The following DUSP19 variants were observed in gnomAD, a reference collection of about 807,000 sequenced individuals.
DUSP19 encodes the protein dual specificity protein phosphatase 19.
DUSP19 carries 14 observed loss-of-function variants against 16.6 expected under a neutral mutation model. That is an observed-to-expected ratio of 0.84 (90% CI 0.56 to 1.32). DUSP19 has a LOEUF of 1.32. Among genes scored for constraint, DUSP19 ranks in the 40% most tolerant of loss-of-function variants. The pLI is 0.00. For synonymous variants in DUSP19, 81 were observed against 90.5 expected, an observed-to-expected ratio of 0.90 and a Z score of 0.59; for missense variants, 258 against 255.9, an observed-to-expected ratio of 1.01 and a Z score of -0.06.
chr2:183,082,202 C>G (rs1699600213), intron 1 of DUSP19, among the ~76,000 whole-genome samples: 1 of 151,932 alleles, frequency 6.6e-6, no homozygotes, highest in Non-Finnish European at 1.5e-5. Context: ...TTTGTAATAT[C>G]CTTTTTTAAG....
intron 3 of DUSP19, among the ~76,000 whole-genome samples, chr2:183,092,627 A>T (rs1699746846): frequency 6.6e-6 from 1 of 151,156 alleles, no homozygotes; most frequent in Non-Finnish European, 1.5e-5. Flanking sequence ...CATTTTCATT[A>T]TACAGACTAT....
At position 183,095,512 on chromosome 2, in the gene DUSP19, C is replaced by G. The variant is rs766340119; in HGVS notation, c.508C>G (p.Gln170Glu). 1.9e-6 allele frequency: 3 copies of G among 1,610,482 alleles called. No homozygotes were observed. Among genetic ancestry groups the G allele is most frequent in the South Asian group, 1.1e-5 (1 of 90,990 alleles). The part of the protein sequence containing the change: ...IVIGFLMNSE[Q>E]TSFTSAFSLV... ...AATAGGTTTCCTGATGAATTCTGAA[C>G]AAACCTCATTTACCAGTGCTTTTTC... Residue 170 changes from glutamine (Q) to glutamate (E), a missense_variant, in exon 4 of 4, where the codon CAA (glutamine) becomes GAA (glutamate). By Grantham distance (29) the Gln-to-Glu change is conservative (BLOSUM62 2). Coordinates refer to ENST00000354221, the MANE Select transcript of DUSP19 (RefSeq NM_080876.4).
Position 183,082,901 on chromosome 2 carries a change from A to T in DUSP19, c.227-607A>T, listed in dbSNP as rs867189254. Among the ~76,000 whole-genome samples the T allele has an allele frequency of 4.1e-3, 251 of 61,428 alleles. 2 individuals are homozygous for T. Among genetic ancestry groups the T allele is most frequent in the Middle Eastern group, 0.016 (1 of 64 alleles). 40.3% of individuals were successfully genotyped at this position (61,428 alleles called of 152,430 possible). A position where few individuals can be genotyped will look rare whatever the true frequency, so the allele number is the denominator to read the frequency against. ...GTCTTGTCTTGTCTTTTCTTTTCTTATCTTTTCTTTTCTTTTGTTTTCTTT... is the reference window on the plus strand; with the variant it reads ...GTCTTGTCTTGTCTTTTCTTTTCTTTTCTTTTCTTTTCTTTTGTTTTCTTT... On this transcript the variant is annotated intron_variant, in intron 1 of 3. Transcript: ENST00000354221.
At chr2:183,091,032 C>A (rs1181513419) in intron 3 of DUSP19, among the ~76,000 whole-genome samples, 1 of 152,170 alleles carries the variant, frequency 6.6e-6, no homozygotes, top group Admixed American at 6.5e-5. Context: ...CTGTCTCTGG[C>A]CCTAGTCCCC....
At chr2:183,079,180 C>T in intron 1 of DUSP19, 21 bp downstream of exon 1, 1 of 1,602,938 alleles carries the variant, frequency 6.2e-7, no homozygotes. Flanking sequence ...CGACTTGCCA[C>T]TAGATCATTG....
chr2:183,088,218 A>G (rs1171560519), intron 3 of DUSP19, among the ~76,000 whole-genome samples: 1 of 152,132 alleles, frequency 6.6e-6, no homozygotes, highest in African/African-American at 2.4e-5. Context: ...ACAGGTTTGT[A>G]GTCTTGGAGC....
chr2:183,095,273 T>C, intron 3 of DUSP19, 158 bp from the exon 4 acceptor site: 1 of 649,460 alleles, frequency 1.5e-6, no homozygotes, highest in Non-Finnish European at 2.5e-6. Flanking sequence ...TTGTTGCTGG[T>C]AATGAATTTT....
At position 183,099,683 on chromosome 2, in the gene DUSP19, T is replaced by C. The variant is rs1000391708; in HGVS notation, c.*4025T>C. The C allele has an allele frequency of 1.3e-5, 2 of 151,832 alleles. No individual in the cohort carries two copies. Among genetic ancestry groups the C allele is most frequent in the African/African-American group, 4.9e-5 (2 of 41,096 alleles). The allele number at this position is 151,832 out of a possible 1,614,324, so 9.4% of individuals were successfully genotyped here. ...TTTGTTTTAAAAGATGTAACACTTA[T>C]TTGCTGTCAAATTCTGAATTAAAAA... On this transcript the variant is annotated 3_prime_UTR_variant, in exon 4 of 4. Transcript: ENST00000354221.
At chr2:183,094,049 T>C (rs1220941387) in intron 3 of DUSP19, among the ~76,000 whole-genome samples, 1 of 152,184 alleles carries the variant, frequency 6.6e-6, no homozygotes, top group African/African-American at 2.4e-5. Flanking sequence ...ATAGAAACTG[T>C]TGAAGTTTGA....
chr2:183,087,120 G>A lies in DUSP19; in HGVS notation c.354G>A (p.Leu118=). The A allele has an allele frequency of 6.8e-6, 11 of 1,613,220 alleles. No individual in the cohort carries two copies. The highest frequency in any genetic ancestry group is 9.3e-6 in the Non-Finnish European group (11 of 1,179,822). ...TTACATATAAGAGCATTTCTATATT[G>A]GATCTGCCTGAAACCAACATCCTGT... ...SDFTYKSISI[L]DLPETNILSY... is the part of the protein sequence containing the mutation. Residue 118 remains leucine (L), a synonymous_variant, in exon 3 of 4, where the codon TTG becomes TTA. Transcript: ENST00000354221.
In DUSP19 at chr2:183,099,329, G is replaced by A. The variant is rs1269337548; in HGVS notation, c.*3671G>A. 1 of 152,100 alleles carries A rather than the reference G, an allele frequency of 6.6e-6. No homozygotes were observed. Among genetic ancestry groups the A allele is most frequent in the Non-Finnish European group, 1.5e-5 (1 of 68,000 alleles). The allele number at this position is 152,100 out of a possible 1,614,324, so 9.4% of individuals were successfully genotyped here. On this transcript the variant is annotated 3_prime_UTR_variant, in exon 4 of 4. Transcript: ENST00000354221. ...ATGATTACTTATTTATTTGTTCCAGGTGACTCTAAATAGTTGATTTTTCTG... is the reference window on the plus strand; with the variant it reads ...ATGATTACTTATTTATTTGTTCCAGATGACTCTAAATAGTTGATTTTTCTG...
At chr2:183,094,155 G>A (rs1238402747) in intron 3 of DUSP19, among the ~76,000 whole-genome samples, 3 of 152,050 alleles carry the variant, frequency 2.0e-5, no homozygotes, top group African/African-American at 7.2e-5. Context: ...TTTTATATGA[G>A]GATTTTCAAA....
At chr2:183,080,479 G>A (rs775676028) in intron 1 of DUSP19, among the ~76,000 whole-genome samples, 1 of 152,162 alleles carries the variant, frequency 6.6e-6, no homozygotes, top group Non-Finnish European at 1.5e-5. Context: ...GAAAAAGTGA[G>A]TTATTTAGGT....
intron 3 of DUSP19, among the ~76,000 whole-genome samples, chr2:183,087,451 T>C (rs532937408): frequency 6.6e-6 from 1 of 152,344 alleles, no homozygotes; most frequent in East Asian, 1.9e-4. Flanking sequence ...TTAATATGCA[T>C]TTGATTTTAA....
intron 1 of DUSP19, among the ~76,000 whole-genome samples, chr2:183,080,782 A>G (rs1320250804): frequency 6.6e-6 from 1 of 152,184 alleles, no homozygotes; most frequent in Non-Finnish European, 1.5e-5. Flanking sequence ...AGCCCTAATA[A>G]GGTCTTCTCT....
Position 183,095,571 on chromosome 2 carries a change from A to G in DUSP19, c.567A>G (p.Pro189=). 1.2e-6 allele frequency: 2 copies of G among 1,614,122 alleles called. No individual in the cohort carries two copies. Among genetic ancestry groups the G allele is most frequent in the Non-Finnish European group, 1.7e-6 (2 of 1,179,978 alleles). Residue 189 remains proline, a synonymous_variant, in exon 4 of 4, where the codon CCA becomes CCG. Coordinates refer to ENST00000354221, the MANE Select transcript of DUSP19 (RefSeq NM_080876.4). The part of the protein sequence containing the change: ...LVKNARPSIC[P]NSGFMEQLRT... The stretch of plus-strand genomic sequence containing the variant: ...AAAATGCAAGACCTTCCATATGTCC[A>G]AATTCTGGCTTCATGGAGCAGCTTC...
intron 1 of DUSP19, among the ~76,000 whole-genome samples, chr2:183,080,951 T>A (rs1699585421): frequency 6.6e-6 from 1 of 152,172 alleles, no homozygotes; most frequent in Admixed American, 6.5e-5. Context: ...CAGACTTAGT[T>A]TACGTCTGGG....
rs896749371 is a variant in DUSP19, at chr2:183,097,748, T to G, written c.*2090T>G. The G allele has an allele frequency of 1.3e-5, 2 of 152,200 alleles. No individual in the cohort carries two copies. The highest frequency in any genetic ancestry group is 1.3e-4 in the Admixed American group (2 of 15,282). 9.4% of individuals were successfully genotyped at this position (152,200 alleles called of 1,614,324 possible). ...TCACTGGATAAGCCTTCTCCTTTCA[T>G]AAGAAAGGATGTATTTAAATACATT... On this transcript the variant is annotated 3_prime_UTR_variant, in exon 4 of 4. Coordinates refer to ENST00000354221, the MANE Select transcript of DUSP19 (RefSeq NM_080876.4).
At chr2:183,085,847 GTTTTTTTTTTTTTTTT>G (rs71008261) in intron 2 of DUSP19, among the ~76,000 whole-genome samples, 53 of 50,918 alleles carry the variant, frequency 1.0e-3, no homozygotes, top group African/African-American at 2.0e-3. Context: ...AGGTTGTTAG[GTTTTTTTTTTTTTTTT>G]TTTTTTTTTT....
Sources: gnomAD v4.1 joint callset for allele counts (sites outside exome capture counted in the v4.1 genomes callset) on GRCh38, gnomAD v4.1.1 for gene constraint, MANE v1.5 for transcripts, NCBI Gene and HGNC (gene_info 2026-07-23, HGNC 2026-07-21) for gene names.